The following NEDD9 variants were observed in gnomAD, a reference collection of about 807,000 sequenced individuals.
NEDD9 encodes neural precursor cell expressed, developmentally down-regulated 9, also known as enhancer of filamentation 1.
In NEDD9, 26 loss-of-function variants were observed where a neutral mutation model predicts 76.6. The ratio of observed to expected loss-of-function variants is 0.34; its 90% CI spans 0.25 to 0.47. The LOEUF (loss-of-function observed/expected upper bound fraction) is 0.47, where lower values mean the gene tolerates loss of function less well. Among genes scored for constraint, NEDD9 ranks in the 20% least tolerant of loss-of-function variants. The probability of loss-of-function intolerance (pLI) is 1.00; values close to 1 mark genes in which losing one functional copy is unlikely to be tolerated. For synonymous variants in NEDD9, 392 were observed against 414.2 expected (o/e 0.95, Z 0.65); for missense variants, 937 against 1,058.5 (o/e 0.89, Z 1.59).
At chr6:11,323,830 C>A (rs867767670) in intron 2 of NEDD9, among the ~76,000 whole-genome samples, 25 of 152,346 alleles carry the variant, frequency 1.6e-4, no homozygotes, top group Middle Eastern at 6.8e-3. Flanking sequence ...CATTAACCAC[C>A]TTGCACGTCA....
At chr6:11,324,886 A>T (rs1039999177) in intron 2 of NEDD9, among the ~76,000 whole-genome samples, 2 of 152,254 alleles carry the variant, frequency 1.3e-5, no homozygotes, top group African/African-American at 2.4e-5. Flanking sequence ...AGAAACACAT[A>T]TGACCAAGGA....
rs1288333459 is a variant in NEDD9 at position 11,347,754 on chromosome 6, A to G, written c.-213-13193T>C. On this transcript the variant is annotated intron_variant, in intron 1 of 3. Coordinates refer to the NEDD9 transcript ENST00000397378. Reference sequence around the variant, plus strand: ...ATAAAATTCAACATCCCTTCATGTTAAAAACTCTCAACAAACTAGGTACTG... The same window carrying G: ...ATAAAATTCAACATCCCTTCATGTTGAAAACTCTCAACAAACTAGGTACTG... 2.6e-5 allele frequency among the ~76,000 whole-genome samples: 4 copies of G among 152,232 alleles called. No individual in the cohort carries two copies. The East Asian group carries it at 7.7e-4, about 29-fold the overall frequency.
chr6:11,258,786 C>G (rs771696868), intron 3 of NEDD9: 1 of 152,200 alleles, frequency 6.6e-6, no homozygotes, highest in African/African-American at 2.4e-5. Context: ...TAATGCTTGT[C>G]AAGAGCTGGG....
chr6:11,275,970 T>C (rs1274745550), intron 3 of NEDD9, among the ~76,000 whole-genome samples: 1 of 152,254 alleles, frequency 6.6e-6, no homozygotes, highest in Non-Finnish European at 1.5e-5. Flanking sequence ...AGTTAGATTC[T>C]ACTTTAGATA....
intron 1 of NEDD9, among the ~76,000 whole-genome samples, chr6:11,380,818 C>A (rs1475093343): frequency 1.3e-5 from 2 of 152,030 alleles, no homozygotes; most frequent in Non-Finnish European, 2.9e-5. Context: ...TCTTCTTCTT[C>A]TTCTTCTTGA....
chr6:11,206,275 C>T (rs868185032), intron 2 of NEDD9, among the ~76,000 whole-genome samples: 6 of 151,894 alleles, frequency 4.0e-5, no homozygotes, highest in African/African-American at 1.5e-4. Flanking sequence ...AAAAATTAGC[C>T]GGGCAAGGTG....
chr6:11,351,269 A>T (rs1762463301), intron 1 of NEDD9, among the ~76,000 whole-genome samples: 1 of 152,116 alleles, frequency 6.6e-6, no homozygotes, highest in African/African-American at 2.4e-5. Flanking sequence ...ATATTTAGGG[A>T]ACTGCCAGGA....
At chr6:11,265,796 T>C (rs780940429) in intron 3 of NEDD9, among the ~76,000 whole-genome samples, 1 of 152,132 alleles carries the variant, frequency 6.6e-6, no homozygotes, top group Non-Finnish European at 1.5e-5. Flanking sequence ...TGTCTATCAA[T>C]GGAGGATTAG....
chr6:11,200,419 G>T, intron 2 of NEDD9: 1 of 726,328 alleles, frequency 1.4e-6, no homozygotes, highest in Non-Finnish European at 1.9e-6. Context: ...TTCTACAAAT[G>T]TACTGAAAAT....
Position 11,185,626 on chromosome 6 carries a change from C to T in NEDD9, c.2041G>A (p.Glu681Lys). 6.2e-7 allele frequency: 1 copy of T among 1,614,222 alleles called. No homozygotes were observed. Among genetic ancestry groups the T allele is most frequent in the South Asian group, 1.1e-5 (1 of 91,090 alleles). The change falls in exon 7 of 7, where the codon GAG (glutamate) becomes AAG (lysine). Residue 681 changes from glutamate (E) to lysine (K), a missense_variant. Coordinates refer to ENST00000379446, the MANE Select transcript of NEDD9 (RefSeq NM_006403.4). ...GGCTTCCACTTCGAGATGTCATTCTCCACGGGCTTTGTAATCTCTTGTTCC... is the reference window on the plus strand; with the variant it reads ...GGCTTCCACTTCGAGATGTCATTCTTCACGGGCTTTGTAATCTCTTGTTCC... ...LLEQEITKPV[E>K]NDISKWKPSQ...
chr6:11,192,526 T>C (rs1245126661), intron 3 of NEDD9, 80 bp from the exon 4 acceptor site: 2 of 950,092 alleles, frequency 2.1e-6, no homozygotes, highest in African/African-American at 1.7e-5. Context: ...CACTTAATTA[T>C]GGATTTATTT....
At chr6:11,275,366 T>C (rs1760393664) in intron 3 of NEDD9, among the ~76,000 whole-genome samples, 1 of 152,164 alleles carries the variant, frequency 6.6e-6, no homozygotes, top group South Asian at 2.1e-4. Context: ...AGTAAAGTAT[T>C]GCATACTCGA....
intron 3 of NEDD9, among the ~76,000 whole-genome samples, chr6:11,255,669 A>G (rs1323346971): frequency 6.6e-6 from 1 of 152,112 alleles, no homozygotes; most frequent in Non-Finnish European, 1.5e-5. Flanking sequence ...ACAGACCCCA[A>G]AAGGCCTTGC....
At chr6:11,244,243 T>G (rs925867049) in intron 3 of NEDD9, among the ~76,000 whole-genome samples, 5 of 151,822 alleles carry the variant, frequency 3.3e-5, no homozygotes, top group African/African-American at 1.2e-4. Flanking sequence ...AAACCAATCT[T>G]TTACTCTCTT....
chr6:11,353,851 C>A (rs1422798227), intron 1 of NEDD9, among the ~76,000 whole-genome samples: 2 of 152,172 alleles, frequency 1.3e-5, no homozygotes, highest in East Asian at 3.8e-4. Context: ...AAGGCCCAAG[C>A]CACCACCTTG....
chr6:11,308,367 T>TG (rs1344290325), intron 2 of NEDD9, among the ~76,000 whole-genome samples: 3 of 136,822 alleles, frequency 2.2e-5, no homozygotes, highest in Non-Finnish European at 4.8e-5. Flanking sequence ...ACATCTTTTT[T>TG]TTTTTTTTTT....
intron 3 of NEDD9, among the ~76,000 whole-genome samples, chr6:11,299,097 A>G (rs142435129): frequency 2.0e-5 from 3 of 152,322 alleles, no homozygotes; most frequent in African/African-American, 7.2e-5. Context: ...AAGGGAAGCC[A>G]TGACAGACTG....
Position 11,282,912 on chromosome 6 carries a change from G to A in NEDD9, c.12+23080C>T, listed in dbSNP as rs73721520. On this transcript the variant is annotated intron_variant, in intron 3 of 3. Coordinates refer to the NEDD9 transcript ENST00000397378. ...GAACTCTCCAGTGGTTTCATATCTC[G>A]CTTGGAATATACAGAAAAGTCGTTA... is the stretch of plus-strand genomic sequence containing the variant. Among the ~76,000 whole-genome samples the A allele has an allele frequency of 2.0e-3, 297 of 152,252 alleles. 1 individual carries two copies. The highest frequency in any genetic ancestry group is 6.7e-3 in the African/African-American group (279 of 41,534).
chr6:11,280,506 A>G (rs1319826893), intron 3 of NEDD9, among the ~76,000 whole-genome samples: 1 of 152,106 alleles, frequency 6.6e-6, no homozygotes, highest in Non-Finnish European at 1.5e-5. Flanking sequence ...GGTGTCTTCC[A>G]TTTGCTCCTC....
Sources: gnomAD v4.1 joint callset for allele counts (sites outside exome capture counted in the v4.1 genomes callset) on GRCh38, gnomAD v4.1.1 for gene constraint, MANE v1.5 for transcripts, NCBI Gene and HGNC (gene_info 2026-07-23, HGNC 2026-07-21) for gene names.